NTN4: variants seen among roughly 807,000 people sequenced by gnomAD.
NTN4 encodes the protein netrin-4.
In NTN4, 32 loss-of-function variants were observed where a neutral mutation model predicts 73.6. The observed-to-expected ratio is 0.44, with a 90% CI of 0.33 to 0.58. The LOEUF (loss-of-function observed/expected upper bound fraction) is 0.58. NTN4 is among the 20% of genes least tolerant of loss of function. The pLI is 0.04. For missense variants in NTN4, 654 were observed against 798.3 expected (o/e 0.82, Z 2.18); for synonymous variants, 258 against 287.5 (o/e 0.90, Z 1.04).
chr12:95,740,333 G>A lies in NTN4; in HGVS notation c.586-2189C>T, dbSNP rs561890707. Among the ~76,000 whole-genome samples, 9 of 152,276 alleles carry A rather than the reference G, an allele frequency of 5.9e-5. No homozygotes were observed. In the South Asian group the frequency reaches 1.9e-3, roughly 32 times the overall value. ...GTATGGCATGAGTGAAATGAAGTAA[G>A]AAAACACGTAGAAGCCCTCAGGATA... On this transcript the variant is annotated intron_variant, in intron 2 of 9. Coordinates refer to ENST00000343702, the MANE Select transcript of NTN4 (RefSeq NM_021229.4).
intron 7 of NTN4, 95 bp downstream of exon 7, chr12:95,682,612 C>G: frequency 1.3e-6 from 1 of 744,538 alleles, no homozygotes; most frequent in Non-Finnish European, 2.3e-6. Flanking sequence ...AAGAGTTCCC[C>G]TCATAGGATC....
chr12:95,717,640 T>C (rs182009980), intron 3 of NTN4, among the ~76,000 whole-genome samples: 67 of 149,458 alleles, frequency 4.5e-4, no homozygotes, highest in Admixed American at 4.5e-3. Flanking sequence ...GTGAAAAATG[T>C]GCAAGTAAAA....
chr12:95,697,326 A>G (rs1331762194), intron 5 of NTN4, among the ~76,000 whole-genome samples: 2 of 152,224 alleles, frequency 1.3e-5, no homozygotes, highest in Non-Finnish European at 2.9e-5. Context: ...TCTTTGTTCA[A>G]GGAAAGTAAA....
At chr12:95,757,261 A>G (rs536565577) in intron 2 of NTN4, among the ~76,000 whole-genome samples, 5 of 152,228 alleles carry the variant, frequency 3.3e-5, no homozygotes, top group South Asian at 2.1e-4. Flanking sequence ...TAGTAAATCT[A>G]TGATGTGGTA....
chr12:95,717,214 C>T (rs188356266), intron 3 of NTN4, among the ~76,000 whole-genome samples: 15 of 152,276 alleles, frequency 9.9e-5, no homozygotes, highest in Middle Eastern at 3.4e-3. Context: ...ATCATAGGTT[C>T]AACTTATCAG....
chr12:95,747,033 T>C (rs1382490756), intron 2 of NTN4, among the ~76,000 whole-genome samples: 1 of 152,214 alleles, frequency 6.6e-6, no homozygotes, highest in African/African-American at 2.4e-5. Context: ...ACACAGTTTA[T>C]AAAACTGTAC....
At chr12:95,774,914 T>C (rs1235103563) in intron 2 of NTN4, among the ~76,000 whole-genome samples, 1 of 152,238 alleles carries the variant, frequency 6.6e-6, no homozygotes, top group Non-Finnish European at 1.5e-5. Context: ...TTCATGCTAC[T>C]TGACTTGGCA....
chr12:95,675,787 A>C (rs184092312), intron 7 of NTN4, among the ~76,000 whole-genome samples: 1 of 152,306 alleles, frequency 6.6e-6, no homozygotes, highest in East Asian at 1.9e-4. Flanking sequence ...GATACAAAGG[A>C]GTTAATAGGA....
intron 5 of NTN4, among the ~76,000 whole-genome samples, chr12:95,686,281 AG>A (rs2078360449): frequency 6.6e-6 from 1 of 152,218 alleles, no homozygotes; most frequent in African/African-American, 2.4e-5. Context: ...GAAACAGAGA[AG>A]TAAATAAAAG....
chr12:95,733,791 C>T (rs1386966783), intron 3 of NTN4, among the ~76,000 whole-genome samples: 4 of 151,892 alleles, frequency 2.6e-5, no homozygotes, highest in South Asian at 2.1e-4. Context: ...AGGAGGGGGC[C>T]GGGCATGGTG....
At chr12:95,790,926 C>CTG (rs2079205518), upstream of NTN4, among the ~76,000 whole-genome samples, 3 of 88,792 alleles carry the variant, frequency 3.4e-5, no homozygotes, top group Non-Finnish European at 2.3e-5. This position sits in a 1 kb window ranked among gnomAD's most constrained non-coding sequence, Gnocchi z 6.5. Flanking sequence ...GCCGCTGCCG[C>CTG]CCGGGGGGGG....
At chr12:95,751,745 A>G (rs1298261382) in intron 2 of NTN4, among the ~76,000 whole-genome samples, 6 of 151,274 alleles carry the variant, frequency 4.0e-5, no homozygotes, top group Non-Finnish European at 8.8e-5. Flanking sequence ...TCCCCTTCTT[A>G]ATCTATACGG....
rs2079130169 is a variant in NTN4 at position 95,781,141 on chromosome 12, CG to C, written c.585+5797del. Among the ~76,000 whole-genome samples the C allele has an allele frequency of 6.6e-6, 1 of 151,858 alleles. No homozygotes were observed. Among genetic ancestry groups the C allele is most frequent in the Admixed American group, 6.6e-5 (1 of 15,244 alleles). ...AGGAAGGGGAACATCACACACACAC[CG>C]GGGCCTGTTGTGGGGTTGGGGGAGC... On this transcript the variant is annotated intron_variant, in intron 2 of 9. Coordinates refer to ENST00000343702, the MANE Select transcript of NTN4 (RefSeq NM_021229.4). This position sits in a 1 kb window ranked among gnomAD's most constrained non-coding sequence, Gnocchi z 4.1.
At chr12:95,691,853 T>C (rs372372706) in intron 5 of NTN4, among the ~76,000 whole-genome samples, 37 of 152,294 alleles carry the variant, frequency 2.4e-4, no homozygotes, top group South Asian at 8.3e-4. Flanking sequence ...ATTTAGAAGC[T>C]GTATGGCCTG....
chr12:95,786,350 A>G (rs547421274), intron 2 of NTN4, among the ~76,000 whole-genome samples: 1 of 152,302 alleles, frequency 6.6e-6, no homozygotes, highest in East Asian at 1.9e-4. Flanking sequence ...CCACATAGAA[A>G]TTGGATCAGT....
intron 2 of NTN4, among the ~76,000 whole-genome samples, chr12:95,780,598 G>A (rs1455618373): frequency 1.3e-5 from 2 of 152,198 alleles, no homozygotes; most frequent in Non-Finnish European, 2.9e-5. Context: ...AAACCGCAAT[G>A]AGATACCATC....
intron 3 of NTN4, among the ~76,000 whole-genome samples, chr12:95,729,630 A>AGTGTGT (rs1254954346): frequency 1.1e-5 from 1 of 91,690 alleles, no homozygotes; most frequent in Admixed American, 1.0e-4. Context: ...AGAGAGAGAG[A>AGTGTGT]GAGTGTGTGT....
chr12:95,730,990 C>A (rs967863985), intron 3 of NTN4, among the ~76,000 whole-genome samples: 19 of 152,182 alleles, frequency 1.2e-4, no homozygotes, highest in Non-Finnish European at 1.5e-4. Flanking sequence ...CCAGAAATTC[C>A]TCTTCCTAAT....
intron 5 of NTN4, among the ~76,000 whole-genome samples, chr12:95,689,773 A>G (rs772370015): frequency 2.6e-5 from 4 of 152,182 alleles, no homozygotes; most frequent in Admixed American, 6.5e-5. Context: ...CCTTATTCCA[A>G]TGCAGTTGAG....
Sources: allele counts gnomAD v4.1 joint callset (sites outside exome capture counted in the v4.1 genomes callset), GRCh38; gene constraint gnomAD v4.1.1; non-coding constraint Gnocchi (gnomAD v3.1); transcripts MANE v1.5; gene names NCBI Gene and HGNC (gene_info 2026-07-23, HGNC 2026-07-21).